The following NBPF8 variants were observed in gnomAD, a reference collection of about 807,000 sequenced individuals.
NBPF8 encodes NBPF member 8.
intron 16 of NBPF8, among the ~76,000 whole-genome samples, chr1:120,456,460 C>T (rs1300089080): frequency 7.7e-6 from 1 of 129,176 alleles, no homozygotes; most frequent in African/African-American, 3.6e-5. Flanking sequence ...GTATAGGGTG[C>T]ATATATATTT....
At chr1:120,434,700 A>G (rs1369466466), upstream of NBPF8, among the ~76,000 whole-genome samples, 1 of 149,164 alleles carries the variant, frequency 6.7e-6, no homozygotes, top group African/African-American at 2.5e-5. Context: ...GTGAAATAAT[A>G]TTTGTTGTTT....
chr1:120,419,571 G>T (rs1474145721), upstream of NBPF8, among the ~76,000 whole-genome samples: 2 of 152,146 alleles, frequency 1.3e-5, no homozygotes, highest in Non-Finnish European at 2.9e-5. Context: ...GAATCCTCCT[G>T]CCTCAACCTT....
In NBPF8 at chr1:120,460,861, T is replaced by C. The variant is rs1481526913; in HGVS notation, n.2836+237T>C. Among the ~76,000 whole-genome samples, 1,380 of 152,026 alleles carry C rather than the reference T, an allele frequency of 9.1e-3. 16 individuals carry two copies. Among genetic ancestry groups the C allele is most frequent in the African/African-American group, 0.032 (1,330 of 41,470 alleles). On this transcript the variant is annotated intron_variant and non_coding_transcript_variant, in intron 18 of 24. Transcript: ENST00000583271. ...CCATACCTCAAAAGCTGTATTCTCA[T>C]GGTAACTGCAGGGAAACTTGAGCAC...
chr1:120,460,068 G>T (rs1661534901), intron 17 of NBPF8, among the ~76,000 whole-genome samples: 1 of 152,098 alleles, frequency 6.6e-6, no homozygotes, highest in South Asian at 2.1e-4. Context: ...TTCCTGGTAT[G>T]TTTTCTAGAT....
chr1:120,425,705 G>A lies in NBPF8; in HGVS notation n.270-42G>A, dbSNP rs1432184764. Reference sequence around the variant, plus strand: ...AATGAGAAACGCCCACAGGTGTGGAGGGGCAACCCATCCCTTCACTGAACC... The same window carrying A: ...AATGAGAAACGCCCACAGGTGTGGAAGGGCAACCCATCCCTTCACTGAACC... On this transcript the variant is annotated intron_variant and non_coding_transcript_variant, in intron 1 of 28. Coordinates refer to the NBPF8 transcript ENST00000652355. Among the ~76,000 whole-genome samples the A allele has an allele frequency of 2.0e-3, 299 of 150,796 alleles. 1 individual carries two copies. Among genetic ancestry groups the A allele is most frequent in the South Asian group, 0.012 (54 of 4,658 alleles).
chr1:120,456,251 G>A (rs1341828847), intron 16 of NBPF8, among the ~76,000 whole-genome samples: 13 of 151,216 alleles, frequency 8.6e-5, no homozygotes, highest in African/African-American at 3.2e-4. Context: ...GTTGATTTGG[G>A]GTGGAGGGTT....
chr1:120,450,462 G>C (rs1661235871), intron 11 of NBPF8, among the ~76,000 whole-genome samples: 1 of 152,070 alleles, frequency 6.6e-6, no homozygotes, highest in Non-Finnish European at 1.5e-5. Flanking sequence ...CACCTGTTCA[G>C]AGGGTACTAC....
chr1:120,415,383 G>T (rs1384960219), upstream of NBPF8, among the ~76,000 whole-genome samples: 6 of 152,140 alleles, frequency 3.9e-5, no homozygotes, highest in Admixed American at 6.5e-5. Context: ...CGGAGGGCGA[G>T]GCGGGGTGGG....
chr1:120,431,231 A>G (rs1449444684), intron 3 of NBPF8, among the ~76,000 whole-genome samples: 2 of 122,488 alleles, frequency 1.6e-5, no homozygotes, highest in Non-Finnish European at 3.3e-5. Flanking sequence ...ATATATATGT[A>G]TACACACATA....
In NBPF8 at chr1:120,464,512, G is replaced by A. The variant is rs1661688988; in HGVS notation, n.3423G>A. The A allele has an allele frequency of 1.9e-5, 20 of 1,039,720 alleles. 1 individual carries two copies. The highest frequency in any genetic ancestry group is 2.9e-5 in the Non-Finnish European group (19 of 661,566). The allele number at this position is 1,039,720 out of a possible 1,614,324, so 64.4% of individuals were successfully genotyped here. A position where few individuals can be genotyped will look rare whatever the true frequency, so the allele number is the denominator to read the frequency against. On this transcript the variant is annotated non_coding_transcript_exon_variant, in exon 23 of 25. Coordinates refer to ENST00000583271, the Ensembl canonical transcript of NBPF8. ...GTATGGAAGTTCCTTTTATGCATTG[G>A]AGGAAAAACATGTTGGCTTTTCTCT...
chr1:120,452,557 T>G (rs1661311456), intron 13 of NBPF8, among the ~76,000 whole-genome samples: 1 of 152,108 alleles, frequency 6.6e-6, no homozygotes, highest in African/African-American at 2.4e-5. Context: ...AGGTGGTCTC[T>G]GGAGCAAGAG....
upstream of NBPF8, among the ~76,000 whole-genome samples, chr1:120,416,660 C>T (rs1399663601): frequency 8.3e-6 from 1 of 120,726 alleles, no homozygotes; most frequent in Non-Finnish European, 1.8e-5. Context: ...ACCAAGTGAA[C>T]CACCACAGAT....
chr1:120,465,251 A>C lies in NBPF8; in HGVS notation n.3460-12A>C, dbSNP rs2101702643. On this transcript the variant is annotated splice_polypyrimidine_tract_variant and intron_variant and non_coding_transcript_variant, in intron 23 of 24. Coordinates refer to ENST00000583271, the Ensembl canonical transcript of NBPF8. The stretch of plus-strand genomic sequence containing the variant: ...AGCTTAATGTGTCTGTCCATGTCTG[A>C]ATTTATTGCAGAAATTGAAAAGAAG... 1 of 571,066 alleles carries C rather than the reference A, an allele frequency of 1.8e-6. No homozygotes were observed. The highest frequency in any genetic ancestry group is 2.7e-5 in the East Asian group (1 of 36,576). The allele number at this position is 571,066 out of a possible 1,614,324, so 35.4% of individuals were successfully genotyped here.
At chr1:120,421,518 T>C (rs1241753269) in intron 1 of NBPF8, among the ~76,000 whole-genome samples, 1 of 148,682 alleles carries the variant, frequency 6.7e-6, no homozygotes, top group African/African-American at 2.5e-5. Flanking sequence ...CTTCCTTCCT[T>C]CCTTCCTCCC....
chr1:120,415,773 A>C (rs1390674086), upstream of NBPF8, among the ~76,000 whole-genome samples: 1 of 152,172 alleles, frequency 6.6e-6, no homozygotes, highest in African/African-American at 2.4e-5. Context: ...CCATCACTGA[A>C]TCACCTCATG....
At chr1:120,464,571 G>A in intron 23 of NBPF8, 23 bp downstream of exon 21, 1 of 773,626 alleles carries the variant, frequency 1.3e-6, no homozygotes, top group South Asian at 1.3e-5. Flanking sequence ...CTATGAAGGT[G>A]ATAAGGATCC....
At chr1:120,431,461 A>G (rs1660877602), upstream of NBPF8, among the ~76,000 whole-genome samples, 1 of 149,276 alleles carries the variant, frequency 6.7e-6, no homozygotes, top group East Asian at 2.0e-4. Flanking sequence ...CAGCACATTG[A>G]AACAATTTCT....
chr1:120,465,044 C>T (rs1228315546), intron 23 of NBPF8, among the ~76,000 whole-genome samples: 4 of 56,986 alleles, frequency 7.0e-5, no homozygotes, highest in Non-Finnish European at 1.5e-4. Context: ...ATTGGGATAA[C>T]GATCTACTAG....
intron 20 of NBPF8, among the ~76,000 whole-genome samples, 190 bp downstream of exon 18, chr1:120,462,387 C>G (rs1282985579): frequency 1.3e-5 from 2 of 149,216 alleles, no homozygotes; most frequent in South Asian, 4.3e-4. Context: ...CATTTACTAA[C>G]TTACTATAGG....
Sources: gnomAD v4.1 joint callset for allele counts (sites outside exome capture counted in the v4.1 genomes callset) on GRCh38, gnomAD v4.1.1 for gene constraint, MANE v1.5 for transcripts, NCBI Gene and HGNC (gene_info 2026-07-23, HGNC 2026-07-21) for gene names.